SYN2: variants seen among roughly 807,000 people sequenced by gnomAD.
The protein encoded by SYN2 is synapsin-2.
SYN2 carries 19 observed loss-of-function variants against 50.9 expected under a neutral mutation model. The observed-to-expected ratio is 0.37, with a 90% CI of 0.26 to 0.55. The LOEUF (loss-of-function observed/expected upper bound fraction) is 0.55. Among genes scored for constraint, SYN2 ranks in the 20% least tolerant of loss-of-function variants. The pLI is 0.81. For missense variants in SYN2, 587 were observed against 576.4 expected (o/e 1.02, Z -0.19); for synonymous variants, 255 against 224.9 (o/e 1.13, Z -1.20).
At chr3:12,132,716 A>C (rs1367348491) in intron 1 of SYN2, among the ~76,000 whole-genome samples, 4 of 152,230 alleles carry the variant, frequency 2.6e-5, no homozygotes, top group African/African-American at 9.6e-5. Flanking sequence ...ATAAATAGGA[A>C]AGCATTACAG....
intron 1 of SYN2, among the ~76,000 whole-genome samples, chr3:12,009,490 T>G (rs1383486476): frequency 6.6e-6 from 1 of 152,222 alleles, no homozygotes; most frequent in Non-Finnish European, 1.5e-5. Context: ...TGAATCATCA[T>G]CTAGCCTAGA....
At chr3:12,053,226 G>A (rs989005569) in intron 1 of SYN2, among the ~76,000 whole-genome samples, 1 of 151,934 alleles carries the variant, frequency 6.6e-6, no homozygotes, top group African/African-American at 2.4e-5. Flanking sequence ...TTCGAGACTA[G>A]CCTCACCAAC....
intron 11 of SYN2, chr3:12,184,321 C>T: frequency 4.1e-6 from 4 of 985,824 alleles, no homozygotes; most frequent in Non-Finnish European, 4.8e-6. Context: ...TGGATCCAGC[C>T]ATGTGTGCGC....
intron 1 of SYN2, among the ~76,000 whole-genome samples, chr3:12,065,262 A>C (rs781648491): frequency 9.9e-5 from 15 of 152,192 alleles, no homozygotes; most frequent in Non-Finnish European, 2.2e-4. Flanking sequence ...TGCTGGTGGG[A>C]ATGTAAATTA....
chr3:12,123,241 A>G (rs1696600111), intron 1 of SYN2, among the ~76,000 whole-genome samples: 1 of 152,226 alleles, frequency 6.6e-6, no homozygotes, highest in South Asian at 2.1e-4. Flanking sequence ...ATTGGGAAGC[A>G]CATCAAAGTT....
intron 1 of SYN2, among the ~76,000 whole-genome samples, chr3:12,053,006 A>G (rs1694901548): frequency 1.3e-5 from 2 of 152,180 alleles, no homozygotes; most frequent in Admixed American, 1.3e-4. Flanking sequence ...TACCTTTACA[A>G]CAACCCTACA....
At chr3:12,159,063 G>A in intron 5 of SYN2, 1 of 572,276 alleles carries the variant, frequency 1.7e-6, no homozygotes, top group South Asian at 3.1e-5. Flanking sequence ...GCAGAGGGAA[G>A]CCTGGAAGGA....
intron 1 of SYN2, among the ~76,000 whole-genome samples, chr3:12,027,466 G>T (rs1441854057): frequency 6.6e-6 from 1 of 152,162 alleles, no homozygotes; most frequent in East Asian, 1.9e-4. Flanking sequence ...TAGATCCTAT[G>T]AGATTCCTGT....
chr3:12,069,151 GTTTA>G (rs1353822111), intron 1 of SYN2, among the ~76,000 whole-genome samples: 1 of 151,526 alleles, frequency 6.6e-6, no homozygotes, highest in African/African-American at 2.4e-5. Flanking sequence ...ACCACATTTT[GTTTA>G]TTCATCAGTT....
At chr3:12,166,744 C>T (rs930377097) in intron 7 of SYN2, among the ~76,000 whole-genome samples, 4 of 152,070 alleles carry the variant, frequency 2.6e-5, no homozygotes, top group African/African-American at 9.7e-5. Flanking sequence ...AAGAACCCTG[C>T]GGGAGTTTCA....
intron 10 of SYN2, among the ~76,000 whole-genome samples, chr3:12,182,251 T>A (rs1698237740): frequency 6.6e-6 from 1 of 152,062 alleles, no homozygotes; most frequent in Non-Finnish European, 1.5e-5. Context: ...GAGGGGCACA[T>A]CAAGAGGGGA....
At chr3:12,175,448 C>T (rs1411051135) in intron 10 of SYN2, among the ~76,000 whole-genome samples, 3 of 152,216 alleles carry the variant, frequency 2.0e-5, no homozygotes, top group Non-Finnish European at 4.4e-5. Flanking sequence ...GGCATTGTCA[C>T]CATTCCTCAC....
chr3:12,184,198 C>T (rs1364386006), intron 11 of SYN2: 9 of 985,466 alleles, frequency 9.1e-6, no homozygotes, highest in Non-Finnish European at 9.6e-6. Context: ...TTATTATTAA[C>T]TAATTAACTA....
intron 1 of SYN2, among the ~76,000 whole-genome samples, chr3:12,129,866 C>T (rs1053472995): frequency 6.6e-6 from 1 of 151,924 alleles, no homozygotes; most frequent in Non-Finnish European, 1.5e-5. Context: ...GAGGTGGGGC[C>T]TTTGGGAGGT....
chr3:12,146,747 G>T (rs1697158837), intron 4 of SYN2, among the ~76,000 whole-genome samples: 2 of 152,084 alleles, frequency 1.3e-5, no homozygotes, highest in Non-Finnish European at 2.9e-5. Context: ...AAAAAGTGGG[G>T]CTAGGAGGGA....
chr3:12,108,701 TAA>T (rs1440404846), intron 1 of SYN2, among the ~76,000 whole-genome samples: 3 of 152,164 alleles, frequency 2.0e-5, no homozygotes, highest in African/African-American at 7.2e-5. Flanking sequence ...CACGGTGAAC[TAA>T]TTCAACCATC....
chr3:12,173,167 C>A (rs370656983), intron 10 of SYN2, among the ~76,000 whole-genome samples: 2 of 152,214 alleles, frequency 1.3e-5, no homozygotes, highest in Non-Finnish European at 2.9e-5. Flanking sequence ...ACCCAGAAGG[C>A]AGAAGACACC....
rs916350187 is a variant in SYN2, at chr3:12,030,563, A to T, written c.377+25635A>T. ...TATTGCCACAATTTCAGCTCCTGTT[A>T]TTGGTCTGTTCAGAGATTCAACTTC... On this transcript the variant is annotated intron_variant, in intron 1 of 12. Transcript: ENST00000621198. 1.7e-3 allele frequency among the ~76,000 whole-genome samples: 252 copies of T among 151,568 alleles called. 1 individual carries two copies. Among genetic ancestry groups the T allele is most frequent in the African/African-American group, 5.1e-3 (211 of 41,284 alleles).
Position 12,183,340 on chromosome 3 carries a change from G to A in SYN2, c.1337G>A (p.Ser446Asn). The A allele has an allele frequency of 6.2e-7, 1 of 1,613,702 alleles. No homozygotes were observed. The highest frequency in any genetic ancestry group is 8.5e-7 in the Non-Finnish European group (1 of 1,179,812). Residue 446 changes from serine (S) to asparagine (N), a missense_variant, in exon 11 of 13, where the codon AGC (serine) becomes AAC (asparagine). Transcript: ENST00000621198. ...GGAACACTTAAGGATCCGGACTCAA[G>A]CAAGACCCCACCTCAGCGGCCACCC... ...QSGTLKDPDS[S>N]KTPPQRPPPQ...
Sources: allele counts gnomAD v4.1 joint callset (sites outside exome capture counted in the v4.1 genomes callset), GRCh38; gene constraint gnomAD v4.1.1; transcripts MANE v1.5; gene names NCBI Gene and HGNC (gene_info 2026-07-23, HGNC 2026-07-21).